Variants in GANC observed in about 807,000 individuals in gnomAD.
GANC encodes glucosidase alpha, neutral C.
Under a neutral mutation model 124.2 loss-of-function variants are expected in GANC, and 117 were observed. The ratio of observed to expected loss-of-function variants is 0.94; its 90% CI spans 0.81 to 1.10. The LOEUF is 1.10. Among genes scored for constraint, GANC ranks in the 50% least tolerant of loss-of-function variants. The pLI is 0.00. For missense variants in GANC, 1,140 were observed against 1,095.0 expected, an observed-to-expected ratio of 1.04 and a Z score of -0.58; for synonymous variants, 377 against 376.8, an observed-to-expected ratio of 1.00 and a Z score of -0.01.
At chr15:42,327,249 G>A (rs1055983717) in intron 12 of GANC, 114 bp from the exon 13 acceptor site, 6 of 705,430 alleles carry the variant, frequency 8.5e-6, no homozygotes, top group East Asian at 2.7e-5. Context: ...GCCAACTTTC[G>A]TGTTTATGTA....
At chr15:42,309,352 C>T (rs1014304697) in intron 8 of GANC, among the ~76,000 whole-genome samples, 1 of 151,692 alleles carries the variant, frequency 6.6e-6, no homozygotes, top group Admixed American at 6.6e-5. Context: ...CAGAGTCTCG[C>T]ACTGTCGCCC....
At chr15:42,346,351 G>A (rs948048932) in intron 20 of GANC, among the ~76,000 whole-genome samples, 3 of 152,174 alleles carry the variant, frequency 2.0e-5, no homozygotes, top group African/African-American at 7.2e-5. Context: ...TGCTGGGGCA[G>A]AGGAGGGTTA....
At chr15:42,296,994 A>G (rs1034080665) in intron 5 of GANC, among the ~76,000 whole-genome samples, 2 of 152,166 alleles carry the variant, frequency 1.3e-5, no homozygotes, top group African/African-American at 4.8e-5. Flanking sequence ...AAACTGAAAG[A>G]TTGATAAAGT....
At position 42,273,472 on chromosome 15, in the gene GANC, T is replaced by G; in HGVS notation, c.-1010T>G. ...TCGTCCCGCCTTCTTCCGGCTCTGC[T>G]CTAAGGGCGGGATTATCCGGGTCCT... is the stretch of plus-strand genomic sequence containing the variant. On this transcript the variant is annotated 5_prime_UTR_variant, in exon 1 of 24. Coordinates refer to ENST00000318010, the MANE Select transcript of GANC (RefSeq NM_198141.3). 1 of 1,592,658 alleles carries G rather than the reference T, an allele frequency of 6.3e-7. No individual in the cohort carries two copies.
At chr15:42,326,464 C>T in intron 12 of GANC, 40 bp downstream of exon 12, 1 of 1,612,614 alleles carries the variant, frequency 6.2e-7, no homozygotes, top group South Asian at 1.1e-5. Context: ...TCCACATGTT[C>T]TGTCCCAATT....
chr15:42,306,405 T>C, intron 6 of GANC, 141 bp from the exon 7 acceptor site: 1 of 643,366 alleles, frequency 1.6e-6, no homozygotes, highest in Non-Finnish European at 2.7e-6. Flanking sequence ...TTAAAGGTAC[T>C]GACGTCACAC....
At chr15:42,317,447 G>A (rs561765547) in intron 10 of GANC, among the ~76,000 whole-genome samples, 1 of 152,186 alleles carries the variant, frequency 6.6e-6, no homozygotes, top group South Asian at 2.1e-4. Context: ...TCTGCTTGGG[G>A]TGATGTAAAG....
In GANC at chr15:42,273,610, TG is replaced by T; in HGVS notation, c.-870del. The T allele has an allele frequency of 1.3e-6, 1 of 753,516 alleles. No individual in the cohort carries two copies. Among genetic ancestry groups the T allele is most frequent in the East Asian group, 2.8e-5 (1 of 35,424 alleles). 46.7% of individuals were successfully genotyped at this position (753,516 alleles called of 1,614,324 possible). ...GCGCAGGCGTCATCCTGTTGGAACC[TG>T]GTCAGCTGGGTTAGAGAGATCGCTA... On this transcript the variant is annotated 5_prime_UTR_variant, in exon 1 of 24. Transcript: ENST00000318010.
intron 16 of GANC, among the ~76,000 whole-genome samples, chr15:42,339,393 G>T (rs2052311579): frequency 6.7e-6 from 1 of 149,700 alleles, no homozygotes; most frequent in Admixed American, 6.7e-5. Context: ...TCAGTGTCTG[G>T]GTTATCTGGT....
chr15:42,331,897 C>T (rs1375024795), intron 15 of GANC, among the ~76,000 whole-genome samples: 1 of 151,678 alleles, frequency 6.6e-6, no homozygotes, highest in African/African-American at 2.4e-5. Flanking sequence ...AAAAGGAACA[C>T]CTAAGTGTTT....
rs1245016125 is a variant in GANC at position 42,274,261 on chromosome 15, CAAAT to C, written c.-216_-213del. On this transcript the variant is annotated 5_prime_UTR_variant, in exon 1 of 24. Transcript: ENST00000318010. ...CCACCCATAATCAAGACAAATTTGC[CAAAT>C]AAATCATTGTAGAAACGCTAGTTTG... 3 of 563,658 alleles carry C rather than the reference CAAAT, an allele frequency of 5.3e-6. No homozygotes were observed. Among genetic ancestry groups the C allele is most frequent in the African/African-American group, 1.9e-5 (1 of 52,108 alleles). 34.9% of individuals were successfully genotyped at this position (563,658 alleles called of 1,614,324 possible).
intron 10 of GANC, among the ~76,000 whole-genome samples, chr15:42,316,453 C>CG (rs950105639): frequency 9.9e-5 from 15 of 152,136 alleles, no homozygotes; most frequent in Non-Finnish European, 1.8e-4. Context: ...GATCATGGGA[C>CG]GGGGGCCCTT....
At chr15:42,317,977 T>A (rs1245406937) in intron 10 of GANC, among the ~76,000 whole-genome samples, 1 of 152,240 alleles carries the variant, frequency 6.6e-6, no homozygotes, top group Non-Finnish European at 1.5e-5. Context: ...CCGTCTCCCA[T>A]CCAATCTAGT....
In GANC at chr15:42,274,435, G is replaced by C; in HGVS notation, c.-47G>C. 3.1e-6 allele frequency: 5 copies of C among 1,599,274 alleles called. No homozygotes were observed. Among genetic ancestry groups the C allele is most frequent in the Non-Finnish European group, 4.3e-6 (5 of 1,172,846 alleles). ...TCGGCTTTTTTAAAAGATCGCCCAGGGCCCTTGTCCTGAGAGCTGGGAGCT... is the reference window on the plus strand; with the variant it reads ...TCGGCTTTTTTAAAAGATCGCCCAGCGCCCTTGTCCTGAGAGCTGGGAGCT... On this transcript the variant is annotated 5_prime_UTR_variant, in exon 1 of 24. Coordinates refer to ENST00000318010, the MANE Select transcript of GANC (RefSeq NM_198141.3).
chr15:42,319,215 A>T (rs1181357556), intron 10 of GANC, among the ~76,000 whole-genome samples: 1 of 152,014 alleles, frequency 6.6e-6, no homozygotes, highest in Non-Finnish European at 1.5e-5. Flanking sequence ...AACATTTATT[A>T]TCCTGAAATG....
intron 6 of GANC, among the ~76,000 whole-genome samples, chr15:42,298,176 C>T (rs540075653): frequency 6.6e-6 from 1 of 151,980 alleles, no homozygotes; most frequent in African/African-American, 2.4e-5. Flanking sequence ...AAAGAATGTT[C>T]CAGGTAGAGG....
chr15:42,277,758 G>A (rs1013472095), intron 2 of GANC, among the ~76,000 whole-genome samples: 1 of 151,074 alleles, frequency 6.6e-6, no homozygotes, highest in Non-Finnish European at 1.5e-5. Context: ...GCACCACCAC[G>A]CCCGGCTAAT....
chr15:42,336,823 A>G (rs1382887368), intron 15 of GANC, among the ~76,000 whole-genome samples: 1 of 152,198 alleles, frequency 6.6e-6, no homozygotes, highest in Non-Finnish European at 1.5e-5. Flanking sequence ...GTGGGCAAAG[A>G]ACATGAACAG....
At chr15:42,308,140 T>A in intron 7 of GANC, 82 bp from the exon 8 acceptor site, 2 of 819,628 alleles carry the variant, frequency 2.4e-6, no homozygotes, top group Non-Finnish European at 2.0e-6. Flanking sequence ...AGTCTAGTCA[T>A]CTCTCTGCAC....
Sources: gnomAD v4.1 joint callset for allele counts (sites outside exome capture counted in the v4.1 genomes callset) on GRCh38, gnomAD v4.1.1 for gene constraint, MANE v1.5 for transcripts, NCBI Gene and HGNC (gene_info 2026-07-23, HGNC 2026-07-21) for gene names.